Variants in CDH8 observed in about 807,000 individuals in gnomAD.
The protein encoded by CDH8 is cadherin-8.
Under a neutral mutation model 68.1 loss-of-function variants are expected in CDH8, and 17 were observed. That is an observed-to-expected ratio of 0.25 (90% CI 0.17 to 0.37). CDH8 has a LOEUF of 0.37. Among genes scored for constraint, CDH8 ranks in the 10% least tolerant of loss-of-function variants. The probability of loss-of-function intolerance (pLI) is 1.00; values close to 1 mark genes in which losing one functional copy is unlikely to be tolerated. For missense variants in CDH8, 763 were observed against 999.3 expected (o/e 0.76, Z 3.19); for synonymous variants, 372 against 365.1 (o/e 1.02, Z -0.21).
At chr16:61,853,377 A>G (rs1449763342) in intron 4 of CDH8, among the ~76,000 whole-genome samples, 1 of 152,154 alleles carries the variant, frequency 6.6e-6, no homozygotes, top group African/African-American at 2.4e-5. Flanking sequence ...TTGTTATTGA[A>G]AATATGATAA....
chr16:61,973,186 A>G (rs552853697), intron 2 of CDH8, among the ~76,000 whole-genome samples: 55 of 152,310 alleles, frequency 3.6e-4, no homozygotes, highest in Middle Eastern at 3.4e-3. Flanking sequence ...AGCAAGAATA[A>G]CTTGTCTTCC....
chr16:61,672,556 TA>T lies in CDH8; in HGVS notation c.1655-16836del, dbSNP rs954892478. ...GTGTTCTTTCAGAGTTTTTCATGTGTAAAATATTCAATAAAACTTAAACTAA... is the reference window on the plus strand; with the variant it reads ...GTGTTCTTTCAGAGTTTTTCATGTGTAAATATTCAATAAAACTTAAACTAA... On this transcript the variant is annotated intron_variant, in intron 10 of 11. Transcript: ENST00000577390. Among the ~76,000 whole-genome samples, 569 of 152,142 alleles carry T rather than the reference TA, an allele frequency of 3.7e-3. 8 individuals carry two copies. The highest frequency in any genetic ancestry group is 0.017 in the Middle Eastern group (5 of 294).
intron 8 of CDH8, among the ~76,000 whole-genome samples, chr16:61,747,372 C>T (rs964889614): frequency 1.3e-5 from 2 of 151,956 alleles, no homozygotes; most frequent in African/African-American, 2.4e-5. Context: ...TTTTAAAAGG[C>T]ATAGCTAAAA....
intron 4 of CDH8, among the ~76,000 whole-genome samples, chr16:61,843,786 T>C (rs548009868): frequency 6.6e-6 from 1 of 152,296 alleles, no homozygotes; most frequent in Non-Finnish European, 1.5e-5. Flanking sequence ...TTTCTAGTTC[T>C]AGATCCCTGA....
In CDH8 at chr16:61,647,926, A is replaced by G; in HGVS notation, c.*5682T>C. The G allele has an allele frequency of 1.5e-6, 1 of 683,930 alleles. No individual in the cohort carries two copies. The highest frequency in any genetic ancestry group is 2.7e-6 in the Non-Finnish European group (1 of 376,846). 42.4% of individuals were successfully genotyped at this position (683,930 alleles called of 1,614,324 possible). On this transcript the variant is annotated 3_prime_UTR_variant, in exon 12 of 12. Coordinates refer to ENST00000577390, the MANE Select transcript of CDH8 (RefSeq NM_001796.5). ...ATAGAAATATCTATTATCTATTAGT[A>G]GGGATACTTGCAAGAAATAATACTT...
intron 10 of CDH8, among the ~76,000 whole-genome samples, chr16:61,686,706 AAG>A (rs1245939039): frequency 2.0e-5 from 3 of 152,012 alleles, no homozygotes; most frequent in African/African-American, 4.8e-5. Flanking sequence ...GGTAAAGAAA[AAG>A]AGATATTTTT....
chr16:61,999,941 C>A (rs1232469705), intron 2 of CDH8, among the ~76,000 whole-genome samples: 2 of 151,918 alleles, frequency 1.3e-5, no homozygotes, highest in Non-Finnish European at 2.9e-5. Flanking sequence ...AGGTATTTGT[C>A]CTAATGCTCT....
At chr16:61,937,871 A>C (rs1362738350) in intron 2 of CDH8, 2 of 152,144 alleles carry the variant, frequency 1.3e-5, no homozygotes, top group Non-Finnish European at 2.9e-5. Flanking sequence ...ATCAAGGCAC[A>C]CCTGTTCCTA....
At chr16:61,965,422 G>T (rs1329775489) in intron 2 of CDH8, among the ~76,000 whole-genome samples, 1 of 152,178 alleles carries the variant, frequency 6.6e-6, no homozygotes, top group Admixed American at 6.5e-5. Context: ...CAGGCGTGGG[G>T]CAGTTATTTC....
At chr16:61,808,774 G>C (rs1043792286) in intron 7 of CDH8, among the ~76,000 whole-genome samples, 1 of 152,158 alleles carries the variant, frequency 6.6e-6, no homozygotes, top group African/African-American at 2.4e-5. Context: ...TGTGTAGGGG[G>C]TGACAAAGTT....
At chr16:61,797,415 G>T (rs1961524588) in intron 7 of CDH8, among the ~76,000 whole-genome samples, 1 of 152,064 alleles carries the variant, frequency 6.6e-6, no homozygotes, top group Non-Finnish European at 1.5e-5. Flanking sequence ...ACAGATAAAT[G>T]AATAATAGGT....
rs534947230 is a variant in CDH8 at position 61,713,892 on chromosome 16, G to A, written c.1603C>T (p.Leu535Phe). Residue 535 changes from leucine to phenylalanine, a missense_variant, in exon 10 of 12, where the codon CTC (leucine) becomes TTC (phenylalanine). Transcript: ENST00000577390. ...PKNGHYFLYS[L>F]LPEMVNNPNF... is the part of the protein sequence containing the mutation. ...GGATTGTTGACCATTTCTGGAAGGA[G>A]ACTGTATAAGAAATAATGTCCGTTT... The A allele has an allele frequency of 6.2e-7, 1 of 1,608,708 alleles. No individual in the cohort carries two copies. Among genetic ancestry groups the A allele is most frequent in the South Asian group, 1.1e-5 (1 of 90,910 alleles).
intron 8 of CDH8, among the ~76,000 whole-genome samples, chr16:61,737,460 T>C (rs1037646764): frequency 1.3e-5 from 2 of 152,088 alleles, no homozygotes; most frequent in Non-Finnish European, 2.9e-5. Context: ...ATCATGGAAA[T>C]ACAGCAACTT....
chr16:61,839,849 C>T (rs548675243), intron 4 of CDH8, among the ~76,000 whole-genome samples: 6 of 152,182 alleles, frequency 3.9e-5, no homozygotes, highest in Admixed American at 2.6e-4. Flanking sequence ...GAGCAACAGC[C>T]GCTAAAAGGC....
At chr16:61,976,010 T>C (rs567301981) in intron 2 of CDH8, among the ~76,000 whole-genome samples, 2 of 152,218 alleles carry the variant, frequency 1.3e-5, no homozygotes, top group South Asian at 4.1e-4. Flanking sequence ...CTTTAACAAA[T>C]GCAGACAAGA....
intron 2 of CDH8, among the ~76,000 whole-genome samples, chr16:61,926,826 A>C (rs1452113296): frequency 1.3e-5 from 2 of 152,208 alleles, no homozygotes; most frequent in Non-Finnish European, 2.9e-5. Context: ...TTTGGGAGGA[A>C]AAATGGATAC....
chr16:62,017,883 A>G (rs1409193794), intron 2 of CDH8, among the ~76,000 whole-genome samples: 1 of 152,010 alleles, frequency 6.6e-6, no homozygotes, highest in African/African-American at 2.4e-5. Flanking sequence ...ACACACAGAA[A>G]CATCACCTCC....
chr16:61,665,568 C>G (rs1963650742), intron 10 of CDH8, among the ~76,000 whole-genome samples: 1 of 151,846 alleles, frequency 6.6e-6, no homozygotes, highest in African/African-American at 2.4e-5. Flanking sequence ...GGCTTAAAAC[C>G]TAGAAGACAG....
chr16:61,698,439 T>C lies in CDH8; in HGVS notation c.1654+15402A>G, dbSNP rs143656263. On this transcript the variant is annotated intron_variant, in intron 10 of 11. Coordinates refer to ENST00000577390, the MANE Select transcript of CDH8 (RefSeq NM_001796.5). Reference sequence around the variant, plus strand: ...GAGAGTCTTTTATGTATTAGAAGCATAATAAAGACAAGAATTGTGTGGGAT... The same window carrying C: ...GAGAGTCTTTTATGTATTAGAAGCACAATAAAGACAAGAATTGTGTGGGAT... 3.1e-3 allele frequency among the ~76,000 whole-genome samples: 473 copies of C among 152,296 alleles called. 2 individuals are homozygous for C. The highest frequency in any genetic ancestry group is 0.011 in the African/African-American group (453 of 41,564).
Sources: allele counts gnomAD v4.1 joint callset (sites outside exome capture counted in the v4.1 genomes callset), GRCh38; gene constraint gnomAD v4.1.1; transcripts MANE v1.5; gene names NCBI Gene and HGNC (gene_info 2026-07-23, HGNC 2026-07-21).